Variants in STXBP5L observed in about 807,000 individuals in gnomAD.
STXBP5L encodes the protein syntaxin-binding protein 5-like.
In STXBP5L, 65 loss-of-function variants were observed where a neutral mutation model predicts 144.5. That is an observed-to-expected ratio of 0.45 (90% CI 0.37 to 0.55). The LOEUF is 0.55. STXBP5L is among the 20% of genes least tolerant of loss of function. The pLI, the probability that STXBP5L is intolerant of heterozygous loss-of-function variation, is 0.00. For missense variants in STXBP5L, 1,298 were observed against 1,405.5 expected, an observed-to-expected ratio of 0.92 and a Z score of 1.22; for synonymous variants, 505 against 469.6, an observed-to-expected ratio of 1.08 and a Z score of -0.97.
At chr3:120,965,511 A>G (rs1011957305) in intron 3 of STXBP5L, among the ~76,000 whole-genome samples, 4 of 152,220 alleles carry the variant, frequency 2.6e-5, no homozygotes, top group African/African-American at 4.8e-5. Flanking sequence ...TCTGTAAAGA[A>G]TTTTAATTCT....
intron 15 of STXBP5L, 75 bp downstream of exon 15, chr3:121,250,838 T>C: frequency 3.0e-6 from 4 of 1,314,024 alleles, no homozygotes; most frequent in Non-Finnish European, 4.3e-6. Flanking sequence ...CTTTTTAGTT[T>C]GGGCAATTAA....
At chr3:120,977,876 ACT>A (rs575573377) in intron 3 of STXBP5L, among the ~76,000 whole-genome samples, 84 of 152,124 alleles carry the variant, frequency 5.5e-4, no homozygotes, top group Middle Eastern at 3.4e-3. Context: ...ATTGGCCCCC[ACT>A]CTCTTCTGGC....
intron 5 of STXBP5L, among the ~76,000 whole-genome samples, chr3:121,104,181 A>G (rs2043573932): frequency 6.6e-6 from 1 of 152,192 alleles, no homozygotes; most frequent in South Asian, 2.1e-4. Flanking sequence ...GATAATAAAA[A>G]TGTTATAATT....
intron 11 of STXBP5L, among the ~76,000 whole-genome samples, chr3:121,226,330 G>C (rs2108298242): frequency 6.6e-6 from 1 of 152,250 alleles, no homozygotes; most frequent in Non-Finnish European, 1.5e-5. Context: ...GGGGAGGTGA[G>C]GATAGAAAAA....
chr3:120,991,870 G>T (rs9851456), intron 3 of STXBP5L, among the ~76,000 whole-genome samples: 1 of 151,772 alleles, frequency 6.6e-6, no homozygotes. Context: ...TAAATGACGA[G>T]TTAATGGGTG....
chr3:121,210,386 T>C (rs1411549807), intron 10 of STXBP5L, among the ~76,000 whole-genome samples: 1 of 152,024 alleles, frequency 6.6e-6, no homozygotes, highest in African/African-American at 2.4e-5. Flanking sequence ...AGGTTGCCTG[T>C]TCACTCTGAT....
chr3:121,091,852 T>C (rs1031985259), intron 5 of STXBP5L, among the ~76,000 whole-genome samples: 3 of 152,214 alleles, frequency 2.0e-5, no homozygotes, highest in African/African-American at 7.2e-5. Context: ...TCCTTGCCCA[T>C]GCCTATGTCC....
At chr3:121,150,203 C>G (rs181936330) in intron 7 of STXBP5L, among the ~76,000 whole-genome samples, 1 of 151,942 alleles carries the variant, frequency 6.6e-6, no homozygotes, top group Admixed American at 6.6e-5. Flanking sequence ...TTTTCAGACA[C>G]TAGTGTAGGT....
chr3:121,306,935 A>T (rs914858876), intron 19 of STXBP5L, among the ~76,000 whole-genome samples: 2 of 152,176 alleles, frequency 1.3e-5, no homozygotes, highest in African/African-American at 4.8e-5. Flanking sequence ...CCCAGCTGTG[A>T]TTTGGCAGTG....
intron 3 of STXBP5L, among the ~76,000 whole-genome samples, chr3:121,007,251 A>T (rs1472299497): frequency 1.3e-5 from 2 of 152,060 alleles, no homozygotes; most frequent in Non-Finnish European, 2.9e-5. Context: ...TGATTATGAT[A>T]CATTATCTAT....
chr3:121,345,710 A>T (rs551915702), intron 20 of STXBP5L, among the ~76,000 whole-genome samples: 6 of 152,034 alleles, frequency 3.9e-5, no homozygotes, highest in Non-Finnish European at 8.8e-5. Flanking sequence ...TCTAACTGGC[A>T]TGAGATGGTA....
intron 5 of STXBP5L, among the ~76,000 whole-genome samples, chr3:121,108,739 T>G (rs1213846636): frequency 6.6e-6 from 1 of 151,954 alleles, no homozygotes; most frequent in Non-Finnish European, 1.5e-5. Flanking sequence ...AAATGATTGA[T>G]GCACTAGTCC....
intron 20 of STXBP5L, among the ~76,000 whole-genome samples, chr3:121,345,264 G>C (rs974856787): frequency 1.1e-4 from 17 of 151,938 alleles, no homozygotes; most frequent in Admixed American, 9.9e-4. Context: ...GCAGTGTTTG[G>C]TTTTTTGTCC....
chr3:121,246,757 G>A (rs1194221030), intron 14 of STXBP5L, among the ~76,000 whole-genome samples: 1 of 152,022 alleles, frequency 6.6e-6, no homozygotes, highest in Non-Finnish European at 1.5e-5. Context: ...CAACAAAAAG[G>A]AACAAATTAT....
At chr3:121,399,803 T>C (rs1239445049) in intron 22 of STXBP5L, among the ~76,000 whole-genome samples, 3 of 152,234 alleles carry the variant, frequency 2.0e-5, no homozygotes, top group African/African-American at 7.2e-5. Context: ...CATGTCACAG[T>C]GCTGCAGAGA....
At chr3:121,214,623 A>G (rs556114170) in intron 10 of STXBP5L, among the ~76,000 whole-genome samples, 1 of 152,134 alleles carries the variant, frequency 6.6e-6, no homozygotes, top group Non-Finnish European at 1.5e-5. Context: ...TTTACTTCCA[A>G]TTATGTCATC....
intron 3 of STXBP5L, among the ~76,000 whole-genome samples, chr3:120,974,251 G>A (rs975609759): frequency 1.3e-5 from 2 of 152,170 alleles, no homozygotes; most frequent in African/African-American, 2.4e-5. Context: ...GTGTGAGATG[G>A]TATCTCATTG....
At chr3:121,004,559 T>G (rs1184187950) in intron 3 of STXBP5L, among the ~76,000 whole-genome samples, 1 of 151,998 alleles carries the variant, frequency 6.6e-6, no homozygotes. Context: ...TCCTGCCTGA[T>G]TGCCCTGGCC....
rs72968827 is a variant in STXBP5L, at chr3:121,041,070, T to A, written c.288-630T>A. ...TGGTGTTTTCTCATTCTTTTTTTTT[T>A]ACCTTCATTCCTCCTCCTTCCTTTT... On this transcript the variant is annotated intron_variant, in intron 3 of 26. Coordinates refer to ENST00000471454, the MANE Select transcript of STXBP5L (RefSeq NM_001308330.2). 2.6e-3 allele frequency among the ~76,000 whole-genome samples: 395 copies of A among 151,304 alleles called. 2 individuals carry two copies. Among genetic ancestry groups the A allele is most frequent in the African/African-American group, 8.8e-3 (365 of 41,430 alleles).
Sources: allele counts gnomAD v4.1 joint callset (sites outside exome capture counted in the v4.1 genomes callset), GRCh38; gene constraint gnomAD v4.1.1; transcripts MANE v1.5; gene names NCBI Gene and HGNC (gene_info 2026-07-23, HGNC 2026-07-21).